The following PIK3C2G variants were observed in gnomAD, a reference collection of about 807,000 sequenced individuals.
PIK3C2G encodes phosphatidylinositol 3-kinase C2 domain-containing subunit gamma.
In PIK3C2G, 168 loss-of-function variants were observed where a neutral mutation model predicts 181.1. The ratio of observed to expected loss-of-function variants is 0.93; its 90% CI spans 0.82 to 1.05. PIK3C2G has a LOEUF of 1.05. PIK3C2G is among the 50% of genes least tolerant of loss of function. The probability of loss-of-function intolerance (pLI) is 0.00; values close to 1 mark genes in which losing one functional copy is unlikely to be tolerated. For synonymous variants in PIK3C2G, 573 were observed against 592.2 expected, an observed-to-expected ratio of 0.97 and a Z score of 0.47; for missense variants, 1,869 against 1,732.8, an observed-to-expected ratio of 1.08 and a Z score of -1.40.
intron 5 of PIK3C2G, among the ~76,000 whole-genome samples, chr12:18,303,462 A>T (rs10841013): frequency 6.6e-6 from 1 of 151,728 alleles, no homozygotes; most frequent in Non-Finnish European, 1.5e-5. Flanking sequence ...CAGCCTCCAG[A>T]GTAGCTGGGA....
chr12:18,506,151 G>A (rs1457723363), intron 24 of PIK3C2G, among the ~76,000 whole-genome samples: 3 of 152,164 alleles, frequency 2.0e-5, no homozygotes, highest in Non-Finnish European at 4.4e-5. Context: ...GGAGATCCAT[G>A]AGAAGAGAAT....
intron 31 of PIK3C2G, 80 bp from the exon 32 acceptor site, chr12:18,640,349 G>C (rs1461215087): frequency 1.7e-6 from 2 of 1,186,090 alleles, no homozygotes; most frequent in Admixed American, 2.4e-5. Flanking sequence ...TCCTGCCTTT[G>C]GTCTGGATAT....
intron 24 of PIK3C2G, among the ~76,000 whole-genome samples, chr12:18,511,397 G>C (rs11044151): frequency 0.17 from 25,382 of 152,030 alleles, 2,518 homozygotes; most frequent in South Asian, 0.37. Flanking sequence ...CTAGAGGAAA[G>C]TGGATGCTGT....
At chr12:18,678,925 T>C in the PIK3C2G span, among the ~76,000 whole-genome samples, 6 of 152,086 alleles carry the variant, frequency 3.9e-5, no homozygotes, top group African/African-American at 1.4e-4. Flanking sequence ...CAAACTGTTT[T>C]CACAGTGATT....
rs115830927 is a variant in PIK3C2G at position 18,609,337 on chromosome 12, G to A, written c.4088-198G>A. On this transcript the variant is annotated intron_variant, in intron 30 of 32. Transcript: ENST00000538779. The stretch of plus-strand genomic sequence containing the variant: ...CAAAATATGAAATATTAGGGGAAGA[G>A]TTAGTTAAAGATTAGACACAAATCC... Among the ~76,000 whole-genome samples, 557 of 152,234 alleles carry A rather than the reference G, an allele frequency of 3.7e-3. 1 individual carries two copies. The highest frequency in any genetic ancestry group is 0.013 in the African/African-American group (544 of 41,560).
the PIK3C2G span, chr12:18,719,667 CA>C: frequency 7.0e-7 from 1 of 1,429,600 alleles, no homozygotes; most frequent in South Asian, 1.3e-5. Context: ...TAAAAGGATG[CA>C]AAAATACCAT....
the PIK3C2G span, among the ~76,000 whole-genome samples, chr12:18,716,710 T>C: frequency 6.6e-6 from 1 of 152,224 alleles, no homozygotes; most frequent in Non-Finnish European, 1.5e-5. Flanking sequence ...CTTTATTTCA[T>C]CTATTTATCT....
chr12:18,705,459 C>T, the PIK3C2G span: 2 of 1,011,386 alleles, frequency 2.0e-6, no homozygotes, highest in Non-Finnish European at 2.9e-6. Context: ...ACTGAAAGTA[C>T]TTTTGAGTTT....
upstream of PIK3C2G, among the ~76,000 whole-genome samples, chr12:18,259,434 T>C (rs1279612761): frequency 6.6e-6 from 1 of 152,076 alleles, no homozygotes; most frequent in Non-Finnish European, 1.5e-5. Context: ...GAAAAATCTT[T>C]CCCAGGTTTC....
chr12:18,712,819 G>A, the PIK3C2G span: 1 of 1,611,094 alleles, frequency 6.2e-7, no homozygotes, highest in African/African-American at 1.3e-5. Flanking sequence ...AATAGCTACA[G>A]TTGAACAAAG....
intron 8 of PIK3C2G, among the ~76,000 whole-genome samples, chr12:18,334,093 A>C (rs1938263666): frequency 6.6e-6 from 1 of 152,154 alleles, no homozygotes; most frequent in Non-Finnish European, 1.5e-5. Flanking sequence ...AGAATATACT[A>C]CATAAAATAA....
intron 18 of PIK3C2G, among the ~76,000 whole-genome samples, chr12:18,476,590 G>A (rs1266684410): frequency 6.6e-6 from 1 of 152,112 alleles, no homozygotes; most frequent in Non-Finnish European, 1.5e-5. Flanking sequence ...AGCAATGACA[G>A]AAAGAAGAAA....
chr12:18,656,346 G>A, the PIK3C2G span, among the ~76,000 whole-genome samples: 2 of 152,158 alleles, frequency 1.3e-5, no homozygotes, highest in Non-Finnish European at 2.9e-5. Context: ...AGGAGGCTGA[G>A]GCGGGTGGAT....
the PIK3C2G span, among the ~76,000 whole-genome samples, chr12:18,673,461 G>C: frequency 6.6e-6 from 1 of 151,872 alleles, no homozygotes; most frequent in African/African-American, 2.4e-5. Context: ...AAAACTATTA[G>C]GGTTTGATGG....
At chr12:18,688,096 T>A in the PIK3C2G span, 1 of 1,611,056 alleles carries the variant, frequency 6.2e-7, no homozygotes, top group Admixed American at 1.7e-5. Flanking sequence ...CACCATTTTT[T>A]TTAATTACAC....
chr12:18,672,332 G>A, the PIK3C2G span, among the ~76,000 whole-genome samples: 8 of 151,906 alleles, frequency 5.3e-5, no homozygotes, highest in East Asian at 3.9e-4. Context: ...AACCTTTCCC[G>A]ACAGTTAAGA....
chr12:18,552,429 T>C (rs758343160), intron 26 of PIK3C2G, among the ~76,000 whole-genome samples: 2 of 152,262 alleles, frequency 1.3e-5, no homozygotes, highest in Middle Eastern at 3.4e-3. Context: ...ATGCGAACTG[T>C]GGTTACAATT....
At chr12:18,310,171 C>T (rs1449218973) in intron 5 of PIK3C2G, among the ~76,000 whole-genome samples, 2 of 151,744 alleles carry the variant, frequency 1.3e-5, no homozygotes, top group Non-Finnish European at 3.0e-5. Context: ...ATTTTCCATT[C>T]AAGTTTTTCT....
chr12:18,619,607 T>C (rs1319377102), intron 31 of PIK3C2G, among the ~76,000 whole-genome samples: 3 of 152,152 alleles, frequency 2.0e-5, no homozygotes, highest in Non-Finnish European at 4.4e-5. Flanking sequence ...TCCCTTTTGA[T>C]TTTTTCTTTG....
Sources: allele counts gnomAD v4.1 joint callset (sites outside exome capture counted in the v4.1 genomes callset), GRCh38; gene constraint gnomAD v4.1.1; transcripts MANE v1.5; gene names NCBI Gene and HGNC (gene_info 2026-07-23, HGNC 2026-07-21).